Variants in DAAM1 observed in about 807,000 individuals in gnomAD.
DAAM1 encodes the protein dishevelled associated activator of morphogenesis 1.
In DAAM1, 52 loss-of-function variants were observed where a neutral mutation model predicts 130.0. The ratio of observed to expected loss-of-function variants is 0.40; its 90% CI spans 0.32 to 0.50. DAAM1 has a LOEUF of 0.50. Among genes scored for constraint, DAAM1 ranks in the 20% least tolerant of loss-of-function variants. DAAM1 has a pLI of 0.61. For synonymous variants in DAAM1, 452 were observed against 444.5 expected, an observed-to-expected ratio of 1.02 and a Z score of -0.21; for missense variants, 1,134 against 1,303.8, an observed-to-expected ratio of 0.87 and a Z score of 2.01.
At chr14:59,303,682 A>G (rs570380860) in intron 3 of DAAM1, among the ~76,000 whole-genome samples, 1 of 152,214 alleles carries the variant, frequency 6.6e-6, no homozygotes, top group Non-Finnish European at 1.5e-5. Context: ...GGATCATTTG[A>G]GGTCAGGAGT....
At chr14:59,357,773 A>T (rs1886542386) in intron 20 of DAAM1, among the ~76,000 whole-genome samples, 1 of 150,290 alleles carries the variant, frequency 6.7e-6, no homozygotes, top group Non-Finnish European at 1.5e-5. Context: ...GCGAGACTCC[A>T]TCTCAAAAGA....
chr14:59,212,447 A>T (rs975542547), intron 1 of DAAM1, among the ~76,000 whole-genome samples: 9 of 152,240 alleles, frequency 5.9e-5, no homozygotes, highest in African/African-American at 2.2e-4. Flanking sequence ...TTTTAGCATA[A>T]TGTCCGAGTC....
At chr14:59,300,347 C>T (rs1884119421) in intron 3 of DAAM1, among the ~76,000 whole-genome samples, 1 of 152,224 alleles carries the variant, frequency 6.6e-6, no homozygotes, top group East Asian at 1.9e-4. Flanking sequence ...CTGAAGTGAA[C>T]AAAACTTCAG....
chr14:59,214,182 G>C (rs920423555), intron 1 of DAAM1, among the ~76,000 whole-genome samples: 2 of 152,174 alleles, frequency 1.3e-5, no homozygotes, highest in Non-Finnish European at 2.9e-5. Context: ...CAGGTGTCTG[G>C]TGACAGTTTG....
At chr14:59,323,467 A>T (rs1430545610) in intron 6 of DAAM1, among the ~76,000 whole-genome samples, 1 of 152,122 alleles carries the variant, frequency 6.6e-6, no homozygotes, top group Admixed American at 6.5e-5. Flanking sequence ...CTTGCATCCT[A>T]TATGTCATAT....
At chr14:59,254,903 GT>G (rs1231844286) in intron 1 of DAAM1, among the ~76,000 whole-genome samples, 1 of 152,184 alleles carries the variant, frequency 6.6e-6, no homozygotes, top group African/African-American at 2.4e-5. Flanking sequence ...GAGAAAGCCT[GT>G]TAATTACATG....
intron 1 of DAAM1, among the ~76,000 whole-genome samples, chr14:59,192,039 G>A (rs1354953524): frequency 6.6e-6 from 1 of 152,026 alleles, no homozygotes; most frequent in African/African-American, 2.4e-5. Context: ...TAATGAAGAG[G>A]GTGTGGTGGG....
chr14:59,232,306 T>C (rs1340247072), intron 1 of DAAM1, among the ~76,000 whole-genome samples: 2 of 152,196 alleles, frequency 1.3e-5, no homozygotes, highest in Non-Finnish European at 2.9e-5. Flanking sequence ...TTCCTAAATG[T>C]ATACTGGTCA....
At chr14:59,368,453 GT>G (rs1256937875) in intron 24 of DAAM1, among the ~76,000 whole-genome samples, 196 bp from the exon 25 acceptor site, 1 of 152,130 alleles carries the variant, frequency 6.6e-6, no homozygotes, top group South Asian at 2.1e-4. Flanking sequence ...GGGAGTGGTT[GT>G]TTTTTGTTGT....
chr14:59,330,401 T>G (rs759076374), intron 12 of DAAM1, 100 bp from the exon 13 acceptor site: 1 of 1,119,322 alleles, frequency 8.9e-7, no homozygotes, highest in Non-Finnish European at 1.3e-6. Context: ...ATAAAGATCC[T>G]CATAATCTCT....
At chr14:59,320,622 CTCCT>C (rs944789688) in intron 5 of DAAM1, 38 bp downstream of exon 5, 5 of 1,439,002 alleles carry the variant, frequency 3.5e-6, no homozygotes, top group Admixed American at 2.4e-5. Context: ...TTTTTTTTCT[CTCCT>C]TCCTTCCTTT....
chr14:59,212,256 A>G (rs1327772926), intron 1 of DAAM1, among the ~76,000 whole-genome samples: 1 of 152,214 alleles, frequency 6.6e-6, no homozygotes, highest in African/African-American at 2.4e-5. Context: ...TTCATTTAGT[A>G]TAGTCATCTG....
chr14:59,300,850 GTTTATT>G (rs1884141675), intron 3 of DAAM1, among the ~76,000 whole-genome samples: 1 of 151,998 alleles, frequency 6.6e-6, no homozygotes. Flanking sequence ...ACATGCCACA[GTTTATT>G]TTTATCCCCA....
At chr14:59,285,635 T>C (rs1883414129) in intron 2 of DAAM1, among the ~76,000 whole-genome samples, 1 of 152,134 alleles carries the variant, frequency 6.6e-6, no homozygotes, top group South Asian at 2.1e-4. Flanking sequence ...TTGTATCTGA[T>C]AAAACAGATT....
rs541136583 is a variant in DAAM1 at position 59,339,851 on chromosome 14, T to C, written c.1969-223T>C. Among the ~76,000 whole-genome samples the C allele has an allele frequency of 1.8e-4, 28 of 152,332 alleles. No homozygotes were observed. The Middle Eastern group carries it at 0.01, about 56-fold the overall frequency. ...ACTTTGTTCTTCCAAATAATGCTTT[T>C]TCAAATGTGGGTGGTCAGCTTTTCT... On this transcript the variant is annotated intron_variant, in intron 15 of 24. Transcript: ENST00000360909.
intron 1 of DAAM1, among the ~76,000 whole-genome samples, chr14:59,248,255 G>A (rs1012397490): frequency 2.0e-5 from 3 of 152,222 alleles, no homozygotes; most frequent in African/African-American, 7.2e-5. Context: ...GAGAGGACAT[G>A]TTGGGTAGTA....
At position 59,363,745 on chromosome 14, in the gene DAAM1, C is replaced by T; in HGVS notation, c.2789C>T (p.Ser930Phe). The change falls in exon 23 of 25, where the codon TCT (serine) becomes TTT (phenylalanine). Residue 930 changes from serine to phenylalanine, a missense_variant. Transcript: ENST00000360909. ...ATCACAGTAGCCAGCTTCAGCTTCT[C>T]TGATGTTGAAGACCTTCTAGCAGAA... ...QFITVASFSF[S>F]DVEDLLAEAK... 1 of 1,614,120 alleles carries T rather than the reference C, an allele frequency of 6.2e-7. No homozygotes were observed. The highest frequency in any genetic ancestry group is 2.2e-5 in the East Asian group (1 of 44,878).
chr14:59,210,397 T>C (rs1888392222), intron 1 of DAAM1, among the ~76,000 whole-genome samples: 1 of 152,254 alleles, frequency 6.6e-6, no homozygotes, highest in South Asian at 2.1e-4. Flanking sequence ...AATGGCCTGT[T>C]TGCGAATTTA....
intron 1 of DAAM1, among the ~76,000 whole-genome samples, chr14:59,217,072 G>C (rs1022973635): frequency 6.6e-6 from 1 of 152,090 alleles, no homozygotes; most frequent in Non-Finnish European, 1.5e-5. Flanking sequence ...TGTTTGACCT[G>C]GTCTTGGGAG....
Sources: allele counts gnomAD v4.1 joint callset (sites outside exome capture counted in the v4.1 genomes callset), GRCh38; gene constraint gnomAD v4.1.1; transcripts MANE v1.5; gene names NCBI Gene and HGNC (gene_info 2026-07-23, HGNC 2026-07-21).